Variants in EIF2B3 observed in about 807,000 individuals in gnomAD.
EIF2B3 encodes eukaryotic translation initiation factor 2B subunit gamma.
In EIF2B3, 20 loss-of-function variants were observed where a neutral mutation model predicts 54.1. That is an observed-to-expected ratio of 0.37 (90% CI 0.26 to 0.54). The LOEUF (loss-of-function observed/expected upper bound fraction) is 0.54, where lower values mean the gene tolerates loss of function less well. Among genes scored for constraint, EIF2B3 ranks in the 20% least tolerant of loss-of-function variants. The probability of loss-of-function intolerance (pLI) is 0.86; values close to 1 mark genes in which losing one functional copy is unlikely to be tolerated. For missense variants in EIF2B3, 448 were observed against 547.8 expected (o/e 0.82, Z 1.82); for synonymous variants, 153 against 188.1 (o/e 0.81, Z 1.52).
intron 2 of EIF2B3, among the ~76,000 whole-genome samples, chr1:44,979,687 T>C (rs918518862): frequency 6.7e-6 from 1 of 149,884 alleles, no homozygotes; most frequent in Middle Eastern, 3.6e-3. Flanking sequence ...AAGGGGGCCA[T>C]GCGTAGTGGC....
intron 5 of EIF2B3, among the ~76,000 whole-genome samples, chr1:44,915,530 TA>T (rs989186900): frequency 6.6e-6 from 1 of 150,710 alleles, no homozygotes; most frequent in Non-Finnish European, 1.5e-5. Flanking sequence ...CCCAGCGAAT[TA>T]AAAAAAAATA....
chr1:44,855,547 C>A (rs889921593), intron 11 of EIF2B3, among the ~76,000 whole-genome samples: 1 of 151,932 alleles, frequency 6.6e-6, no homozygotes, highest in African/African-American at 2.4e-5. Flanking sequence ...ATGAGACAAT[C>A]GACCTTGAGG....
chr1:44,926,500 T>A, intron 5 of EIF2B3, 128 bp downstream of exon 5: 1 of 728,222 alleles, frequency 1.4e-6, no homozygotes, highest in South Asian at 1.6e-5. Context: ...ATGGGAAAAA[T>A]ATTCACATAC....
chr1:44,928,288 A>G (rs1643870579), intron 4 of EIF2B3, among the ~76,000 whole-genome samples: 1 of 152,018 alleles, frequency 6.6e-6, no homozygotes, highest in Non-Finnish European at 1.5e-5. Context: ...TACTAAAAAT[A>G]AAAAAATCAG....
At chr1:44,974,387 C>T (rs570087223) in intron 3 of EIF2B3, among the ~76,000 whole-genome samples, 9 of 150,640 alleles carry the variant, frequency 6.0e-5, no homozygotes, top group Non-Finnish European at 3.0e-5. Flanking sequence ...GTAGGAGGAT[C>T]ACCTGAGCCT....
intron 3 of EIF2B3, among the ~76,000 whole-genome samples, chr1:44,962,887 G>T (rs1224531170): frequency 1.3e-5 from 2 of 152,160 alleles, no homozygotes; most frequent in Non-Finnish European, 2.9e-5. Context: ...CAATATGACA[G>T]ATGTCTTCTA....
intron 1 of EIF2B3, among the ~76,000 whole-genome samples, chr1:44,984,797 C>CTTTTTTTTTTTTTTTTTTTTTTTTTTTTT (rs71040529): frequency 1.2e-4 from 11 of 88,536 alleles, no homozygotes; most frequent in African/African-American, 1.6e-4. Context: ...TAATGTCCAT[C>CTTTTTTTTTTTTTTTTTTTTTTTTTTTTT]TTTTTTTTTT....
At chr1:44,913,629 C>T (rs1269679248) in intron 5 of EIF2B3, among the ~76,000 whole-genome samples, 1 of 152,122 alleles carries the variant, frequency 6.6e-6, no homozygotes, top group Non-Finnish European at 1.5e-5. Flanking sequence ...CTCCGCCTCC[C>T]AAGTAGCTGG....
At chr1:44,888,016 A>G (rs1206996930) in intron 6 of EIF2B3, among the ~76,000 whole-genome samples, 1 of 152,218 alleles carries the variant, frequency 6.6e-6, no homozygotes, top group Non-Finnish European at 1.5e-5. Context: ...TGCAGCACCA[A>G]TTGGCTGACT....
chr1:44,857,839 C>G (rs1654486383), intron 10 of EIF2B3, 32 bp from the exon 11 acceptor site: 3 of 1,599,746 alleles, frequency 1.9e-6, no homozygotes, highest in African/African-American at 2.7e-5. Flanking sequence ...AGGGAGGACC[C>G]AAGGCTCGCA....
chr1:44,853,425 T>C (rs1414026614), intron 11 of EIF2B3, among the ~76,000 whole-genome samples: 1 of 151,920 alleles, frequency 6.6e-6, no homozygotes, highest in Non-Finnish European at 1.5e-5. Context: ...GCCTGGGCAA[T>C]AGTTAGACAC....
chr1:44,877,893 C>T (rs1655252576), intron 8 of EIF2B3, among the ~76,000 whole-genome samples: 1 of 152,190 alleles, frequency 6.6e-6, no homozygotes, highest in South Asian at 2.1e-4. Context: ...GCCCTAGGTT[C>T]TCTTCTTCCA....
chr1:44,889,857 A>C (rs1421595357), intron 6 of EIF2B3, among the ~76,000 whole-genome samples: 2 of 152,172 alleles, frequency 1.3e-5, no homozygotes, highest in Non-Finnish European at 2.9e-5. Flanking sequence ...TGGATATTCA[A>C]GCTCTAATAG....
At chr1:44,902,897 A>G (rs939763433) in intron 5 of EIF2B3, among the ~76,000 whole-genome samples, 14 of 149,732 alleles carry the variant, frequency 9.4e-5, no homozygotes, top group African/African-American at 3.4e-4. Flanking sequence ...TGGGCAGATT[A>G]CTTTTAAATT....
At chr1:44,979,764 G>A (rs1644494602) in intron 2 of EIF2B3, among the ~76,000 whole-genome samples, 1 of 152,092 alleles carries the variant, frequency 6.6e-6, no homozygotes, top group Non-Finnish European at 1.5e-5. Context: ...AGAAGTTCAA[G>A]ACCAGCCTGG....
chr1:44,862,547 T>C (rs1453601918), intron 10 of EIF2B3, among the ~76,000 whole-genome samples: 1 of 152,222 alleles, frequency 6.6e-6, no homozygotes, highest in African/African-American at 2.4e-5. Flanking sequence ...CTTTCAGTTA[T>C]TTCAAGGGAG....
rs532269763 is a variant in EIF2B3, at chr1:44,889,101, T to C, written c.657-7362A>G. 3.3e-5 allele frequency among the ~76,000 whole-genome samples: 5 copies of C among 152,326 alleles called. No individual in the cohort carries two copies. In the East Asian group the frequency reaches 9.6e-4, roughly 29 times the overall value. ...TATCTGTGTGACCTTTACTGTTAGT[T>C]GATTATCTTTCCCTCCATGAACCAT... On this transcript the variant is annotated intron_variant, in intron 6 of 11. Transcript: ENST00000360403.
intron 3 of EIF2B3, among the ~76,000 whole-genome samples, chr1:44,955,501 C>T (rs1453352980): frequency 6.6e-6 from 1 of 152,004 alleles, no homozygotes; most frequent in Non-Finnish European, 1.5e-5. Context: ...CAACAAAAGC[C>T]AAAATTGACA....
chr1:44,884,313 C>A (rs892853497), intron 6 of EIF2B3, among the ~76,000 whole-genome samples: 2 of 152,124 alleles, frequency 1.3e-5, no homozygotes, highest in African/African-American at 4.8e-5. Context: ...AAAGTATGGG[C>A]AGCTCTATAA....
Sources: allele counts gnomAD v4.1 joint callset (sites outside exome capture counted in the v4.1 genomes callset), GRCh38; gene constraint gnomAD v4.1.1; transcripts MANE v1.5; gene names NCBI Gene and HGNC (gene_info 2026-07-23, HGNC 2026-07-21).